CRK: variants seen among roughly 807,000 people sequenced by gnomAD.
CRK encodes the protein CRK proto-oncogene, adaptor protein.
In CRK, 4 loss-of-function variants were observed where a neutral mutation model predicts 29.8. The observed-to-expected ratio is 0.13, with a 90% confidence interval of 0.07 to 0.31. The LOEUF is 0.31. Among genes scored for constraint, CRK ranks in the 10% least tolerant of loss-of-function variants. The pLI, the probability that CRK is intolerant of heterozygous loss-of-function variation, is 1.00. For missense variants in CRK, 274 were observed against 396.5 expected (o/e 0.69, Z 2.62); for synonymous variants, 153 against 164.9 (o/e 0.93, Z 0.55).
At chr17:1,428,243 A>C (rs8070290) in intron 2 of CRK, among the ~76,000 whole-genome samples, 111,678 of 150,354 alleles carry the variant, frequency 0.74, 41,651 homozygotes, top group African/African-American at 0.84. Flanking sequence ...CTCAGCCTCC[A>C]GAGTAGCTGG....
At chr17:1,438,992 C>T (rs1480884220) in intron 1 of CRK, among the ~76,000 whole-genome samples, 13 of 152,058 alleles carry the variant, frequency 8.5e-5, no homozygotes, top group Non-Finnish European at 5.9e-5. Flanking sequence ...CGCCACCACG[C>T]CCGGCTAATT....
rs576870969 is a variant in CRK, at chr17:1,450,000, AC to A, written c.241+5876del. 1.6e-3 allele frequency among the ~76,000 whole-genome samples: 244 copies of A among 152,178 alleles called. 1 individual carries two copies. Among genetic ancestry groups the A allele is most frequent in the Middle Eastern group, 3.4e-3 (1 of 294 alleles). On this transcript the variant is annotated intron_variant, in intron 1 of 2. Transcript: ENST00000300574. ...GATTACTTGAGGTCAGGAGATCGAG[AC>A]CAGCCTGGCCAACATGGTGAAACCC...
At chr17:1,450,544 C>A (rs971136790) in intron 1 of CRK, among the ~76,000 whole-genome samples, 16 of 151,800 alleles carry the variant, frequency 1.1e-4, no homozygotes, top group African/African-American at 3.6e-4. Context: ...AAAATGACAC[C>A]TAAGCCATTC....
At chr17:1,425,150 C>T (rs1043003364) in intron 2 of CRK, among the ~76,000 whole-genome samples, 13 of 151,804 alleles carry the variant, frequency 8.6e-5, no homozygotes, top group South Asian at 2.1e-4. Context: ...AGTGCAGTGG[C>T]GCTATCTCAG....
At chr17:1,428,758 G>A (rs543079871) in intron 2 of CRK, among the ~76,000 whole-genome samples, 129 of 149,348 alleles carry the variant, frequency 8.6e-4, no homozygotes, top group African/African-American at 2.9e-3. Flanking sequence ...TCCTGACCTC[G>A]TGATCTGCTC....
chr17:1,432,562 G>C (rs1305104239), intron 2 of CRK, among the ~76,000 whole-genome samples: 1 of 150,908 alleles, frequency 6.6e-6, no homozygotes, highest in Non-Finnish European at 1.5e-5. Flanking sequence ...TGGATCACGA[G>C]GTCAGGAGGT....
At chr17:1,425,875 T>A (rs113600566) in intron 2 of CRK, among the ~76,000 whole-genome samples, 5 of 152,116 alleles carry the variant, frequency 3.3e-5, no homozygotes, top group African/African-American at 9.6e-5. Context: ...GAGAGACACA[T>A]AAGACACAGA....
intron 2 of CRK, among the ~76,000 whole-genome samples, chr17:1,431,048 CAG>C (rs1285175487): frequency 6.6e-6 from 1 of 150,818 alleles, no homozygotes; most frequent in African/African-American, 2.4e-5. Context: ...GCCTGGGCGA[CAG>C]AGTGAGACTC....
chr17:1,441,177 C>T (rs1383709502), intron 1 of CRK, among the ~76,000 whole-genome samples: 1 of 152,198 alleles, frequency 6.6e-6, no homozygotes, highest in Non-Finnish European at 1.5e-5. Context: ...ATCCATCTGC[C>T]TTGGCCTCCC....
chr17:1,451,429 A>T (rs192468106), intron 1 of CRK, among the ~76,000 whole-genome samples: 77 of 151,766 alleles, frequency 5.1e-4, no homozygotes, highest in African/African-American at 1.8e-3. Flanking sequence ...ACAAGGTTTC[A>T]CCATGTTGGC....
At chr17:1,449,824 G>A (rs1051946883) in intron 1 of CRK, among the ~76,000 whole-genome samples, 1 of 152,212 alleles carries the variant, frequency 6.6e-6, no homozygotes, top group Non-Finnish European at 1.5e-5. Context: ...GCCTATGCAA[G>A]CTGAGGACCC....
chr17:1,431,524 A>G (rs1258597173), intron 2 of CRK, among the ~76,000 whole-genome samples: 4 of 151,762 alleles, frequency 2.6e-5, no homozygotes, highest in Non-Finnish European at 5.9e-5. Flanking sequence ...GATCGAGACC[A>G]TCCTGGCTAA....
chr17:1,447,761 C>G lies in CRK; in HGVS notation c.241+8116G>C, dbSNP rs184569736. On this transcript the variant is annotated intron_variant, in intron 1 of 2. Transcript: ENST00000300574. ...CCTCTCGAGTAGCTGGGATTACAGG[C>G]GCCCACCACCACACCTGGCTAATTC... is the stretch of plus-strand genomic sequence containing the variant. Among the ~76,000 whole-genome samples, 7 of 152,028 alleles carry G rather than the reference C, an allele frequency of 4.6e-5. No homozygotes were observed. In the East Asian group the frequency reaches 9.7e-4, roughly 21 times the overall value.
intron 2 of CRK, among the ~76,000 whole-genome samples, chr17:1,428,044 A>T (rs766337681): frequency 6.6e-6 from 1 of 151,960 alleles, no homozygotes; most frequent in Admixed American, 6.6e-5. Context: ...CCTTGCTGTT[A>T]ACACAGAACC....
chr17:1,442,201 C>G (rs1256911362), intron 1 of CRK, among the ~76,000 whole-genome samples: 3 of 150,652 alleles, frequency 2.0e-5, no homozygotes, highest in Non-Finnish European at 2.9e-5. Flanking sequence ...GTCACCCAGG[C>G]AGGGGTGCAG....
chr17:1,431,714 A>C (rs1159243414), intron 2 of CRK, among the ~76,000 whole-genome samples: 2 of 152,126 alleles, frequency 1.3e-5, no homozygotes, highest in Non-Finnish European at 2.9e-5. Context: ...CAGTCACTAG[A>C]GTATCTGGGA....
intron 1 of CRK, among the ~76,000 whole-genome samples, chr17:1,446,592 T>G (rs2073976546): frequency 8.9e-6 from 1 of 111,892 alleles, no homozygotes; most frequent in Non-Finnish European, 2.0e-5. Flanking sequence ...CACTATGACT[T>G]TTTTTTTTTT....
intron 1 of CRK, among the ~76,000 whole-genome samples, chr17:1,448,313 C>G (rs1266267116): frequency 6.6e-6 from 1 of 151,968 alleles, no homozygotes; most frequent in African/African-American, 2.4e-5. Context: ...AAATACCTAT[C>G]TAATAAATAA....
Position 1,456,232 on chromosome 17 carries a change from T to C in CRK, c.-115A>G. On this transcript the variant is annotated 5_prime_UTR_variant, in exon 1 of 3. Coordinates refer to ENST00000300574, the MANE Select transcript of CRK (RefSeq NM_016823.4). ...TTCAGCTTCACAGCAGCGCCCGAAA[T>C]GGCGGCGGCAGCCGCGGGCCTCCCC... 1.6e-6 allele frequency: 2 copies of C among 1,277,824 alleles called. No homozygotes were observed. Among genetic ancestry groups the C allele is most frequent in the Non-Finnish European group, 9.9e-7 (1 of 1,010,574 alleles). The allele number at this position is 1,277,824 out of a possible 1,614,324, so 79.2% of individuals were successfully genotyped here.
Sources: gnomAD v4.1 joint callset for allele counts (sites outside exome capture counted in the v4.1 genomes callset) on GRCh38, gnomAD v4.1.1 for gene constraint, MANE v1.5 for transcripts, NCBI Gene and HGNC (gene_info 2026-07-23, HGNC 2026-07-21) for gene names.